The following OFD1 variants were observed in gnomAD, a reference collection of about 807,000 sequenced individuals.
The protein encoded by OFD1 is OFD1 centriole and centriolar satellite protein.
OFD1 carries 12 observed loss-of-function variants against 81.4 expected under a neutral mutation model. That is an observed-to-expected ratio of 0.15 (90% CI 0.09 to 0.24). The LOEUF (loss-of-function observed/expected upper bound fraction) is 0.24. OFD1 is among the 10% of genes least tolerant of loss of function. OFD1 has a pLI of 1.00. For missense variants in OFD1, 685 were observed against 733.9 expected (o/e 0.93, Z 0.77); for synonymous variants, 256 against 263.7 (o/e 0.97, Z 0.28).
the OFD1 span, chrX:13,722,090 G>A: frequency 9.2e-6 from 1 of 108,471 alleles, no homozygotes; most frequent in Non-Finnish European, 1.9e-5. Flanking sequence ...GAAGGACAGG[G>A]AGTTGAAATT....
intron 3 of OFD1, among the ~76,000 whole-genome samples, chrX:13,738,119 G>A (rs2046944457): frequency 8.9e-6 from 1 of 112,242 alleles, no homozygotes; most frequent in African/African-American, 3.2e-5. Context: ...AAAGAGCTGG[G>A]ATAACAAGCA....
chrX:13,761,281 T>C, intron 17 of OFD1, 70 bp downstream of exon 17: 1 of 1,073,457 alleles, frequency 9.3e-7, no homozygotes, highest in Non-Finnish European at 1.2e-6. Context: ...CTTCACTTGT[T>C]TTACTGGGAT....
rs375698090 is a variant in OFD1 at position 13,760,652 on chromosome X, C to T, written c.2192C>T (p.Ser731Phe). 2.0e-5 allele frequency: 24 copies of T among 1,209,577 alleles called. No individual in the cohort carries two copies. In the African/African-American group the frequency reaches 2.8e-4, roughly 14 times the overall value. ...TCGAGGCTCCGCGGGGGCACTTCCT[C>T]CAGACGCCTCTCTTCCACACCCCTT... is the stretch of plus-strand genomic sequence containing the variant. ...AASRLRGGTS[S>F]RRLSSTPLPK... is the part of the protein sequence containing the mutation. The change falls in exon 16 of 23, where the codon TCC (serine) becomes TTC (phenylalanine). Residue 731 changes from serine to phenylalanine, a missense_variant. This residue lies in a region of OFD1 where 259 missense variants were observed against 254.4 expected (regional missense o/e 1.02). Coordinates refer to ENST00000340096, the MANE Select transcript of OFD1 (RefSeq NM_003611.3).
intron 18 of OFD1, among the ~76,000 whole-genome samples, chrX:13,763,061 C>T (rs1207957912): frequency 1.8e-5 from 2 of 112,717 alleles, no homozygotes; most frequent in African/African-American, 3.2e-5. Context: ...TGAGCCACTG[C>T]GCCCGGCCTA....
At chrX:13,716,323 C>A in the OFD1 span, 1 of 565,030 alleles carries the variant, frequency 1.8e-6, no homozygotes, top group Non-Finnish European at 2.8e-6. Context: ...CAGATAAACT[C>A]TTTTTGTGTA....
At chrX:13,771,132 A>T (rs1395533257), downstream of OFD1, 7 of 112,592 alleles carry the variant, frequency 6.2e-5, no homozygotes, top group Non-Finnish European at 1.3e-4. Flanking sequence ...ACAAAAATTT[A>T]TACATAGCAA....
chrX:13,764,471 C>G (rs2048051273), intron 19 of OFD1, among the ~76,000 whole-genome samples: 1 of 111,510 alleles, frequency 9.0e-6, no homozygotes, highest in Non-Finnish European at 1.9e-5. Context: ...CCAGATTACC[C>G]ACTTCCCTCC....
rs2146904488 is a variant in OFD1, at chrX:13,735,285, A to G, written c.50A>G (p.Asp17Gly). The G allele has an allele frequency of 8.3e-7, 1 of 1,211,784 alleles. No homozygotes were observed. The highest frequency in any genetic ancestry group is 2.2e-5 in the Admixed American group (1 of 46,074). The change falls in exon 2 of 23, where the codon GAT becomes GGT. Residue 17 changes from aspartate (D) to glycine (G), a missense_variant. By Grantham distance (94) the Asp-to-Gly change is moderately conservative (BLOSUM62 -1). Coordinates refer to ENST00000340096, the MANE Select transcript of OFD1 (RefSeq NM_003611.3). ...MFTVADVLSQ[D>G]ELRKKLYQTF... ...ACCGTGGCTGATGTGTTGAGTCAAG[A>G]TGAACTGCGCAAAAAGCTATACCAG...
chrX:13,751,404 TA>T, intron 10 of OFD1, 36 bp downstream of exon 10: 1 of 1,102,934 alleles, frequency 9.1e-7, no homozygotes, highest in Non-Finnish European at 1.2e-6. Context: ...CTAATATGTT[TA>T]AATTAAATTG....
At chrX:13,752,869 G>A (rs2047556328) in intron 10 of OFD1, 1 of 954,619 alleles carries the variant, frequency 1.0e-6, no homozygotes, top group African/African-American at 2.0e-5. Flanking sequence ...GTGAAAATGT[G>A]CCTTTTGGTA....
intron 15 of OFD1, among the ~76,000 whole-genome samples, chrX:13,759,644 G>A (rs1366626537): frequency 8.9e-6 from 1 of 112,180 alleles, no homozygotes; most frequent in African/African-American, 3.2e-5. Context: ...CGGGCCATAT[G>A]CTGTGGATTT....
In OFD1 at chrX:13,735,032, C is replaced by T. The variant is rs2146901723; in HGVS notation, c.-40C>T. ...GCTGGGCACTAAACTCGGGCCGCGG[C>T]GGGGCGAGCGAGGCGGGCTCCGGAG... On this transcript the variant is annotated 5_prime_UTR_variant, in exon 1 of 23. Coordinates refer to ENST00000340096, the MANE Select transcript of OFD1 (RefSeq NM_003611.3). 4 of 1,182,102 alleles carry T rather than the reference C, an allele frequency of 3.4e-6. No individual in the cohort carries two copies. Among genetic ancestry groups the T allele is most frequent in the Non-Finnish European group, 4.5e-6 (4 of 883,776 alleles).
At position 13,761,729 on chromosome X, in the gene OFD1, G is replaced by A. The variant is rs2047937463; in HGVS notation, c.2387+518G>A. Among the ~76,000 whole-genome samples, 3 of 111,213 alleles carry A rather than the reference G, an allele frequency of 2.7e-5. No homozygotes were observed. In the South Asian group the frequency reaches 1.1e-3, roughly 42 times the overall value. On this transcript the variant is annotated intron_variant, in intron 17 of 22. Transcript: ENST00000340096. ...ATTGTTGAAACAGGAAGGAGTGGATGTTTTTAGAAACTAGTCCACTGGGTC... is the reference window on the plus strand; with the variant it reads ...ATTGTTGAAACAGGAAGGAGTGGATATTTTTAGAAACTAGTCCACTGGGTC...
In OFD1 at chrX:13,734,829, C is replaced by G; in HGVS notation, c.-243C>G. 1 of 1,080,313 alleles carries G rather than the reference C, an allele frequency of 9.3e-7. No individual in the cohort carries two copies. Among genetic ancestry groups the G allele is most frequent in the Non-Finnish European group, 1.2e-6 (1 of 838,144 alleles). The allele number at this position is 1,080,313 out of a possible 1,213,427, so 89.0% of individuals were successfully genotyped here. On this transcript the variant is annotated 5_prime_UTR_variant, in exon 1 of 23. Coordinates refer to ENST00000340096, the MANE Select transcript of OFD1 (RefSeq NM_003611.3). ...GCCCTCCAGCCGCCTTTGAGTCGTG[C>G]CTGGGTCCTCGCCCTTGCCTCAGAA...
chrX:13,734,340 C>G (rs1237023671), upstream of OFD1, among the ~76,000 whole-genome samples: 2 of 111,903 alleles, frequency 1.8e-5, no homozygotes, highest in African/African-American at 3.3e-5. Context: ...CCACAGCCCC[C>G]GAGAGGGCGG....
chrX:13,735,336 A>C lies in OFD1; in HGVS notation c.101A>C (p.Asp34Ala). Residue 34 changes from aspartate (D) to alanine (A), a missense_variant, in exon 2 of 23, where the codon GAT (aspartate) becomes GCT (alanine). Transcript: ENST00000340096. ...YQTFKDRGIL[D>A]TLKTQLRNQL... ...ACGTTTAAGGATCGGGGTATACTGG[A>C]TACACTCAAGGTATCGGATTTAGGC... The C allele has an allele frequency of 8.3e-7, 1 of 1,203,232 alleles. No homozygotes were observed. Among genetic ancestry groups the C allele is most frequent in the Non-Finnish European group, 1.1e-6 (1 of 887,325 alleles).
rs1555901135 is a variant in OFD1 at position 13,738,871 on chromosome X, A to G, written c.338A>G (p.Gln113Arg). The G allele has an allele frequency of 8.5e-7, 1 of 1,183,099 alleles. No individual in the cohort carries two copies. Among genetic ancestry groups the G allele is most frequent in the Non-Finnish European group, 1.1e-6 (1 of 870,628 alleles). ...GTATTTACTATGCAGGATCTATTAC[A>G]ACTCATTAAAATCAACCCTACTTCC... ...EKVFTMQDLL[Q>R]LIKINPTSSL... The change falls in exon 4 of 23, where the codon CAA (glutamine) becomes CGA (arginine). Residue 113 changes from glutamine (Q) to arginine (R), a missense_variant. Around this residue, in one of 3 missense-constraint regions of OFD1, gnomAD observed 414 missense variants for 447.2 expected, o/e 0.93. Coordinates refer to ENST00000340096, the MANE Select transcript of OFD1 (RefSeq NM_003611.3).
At chrX:13,773,123 G>C, downstream of OFD1, 2 of 772,410 alleles carry the variant, frequency 2.6e-6, no homozygotes, top group Non-Finnish European at 3.8e-6. Flanking sequence ...CTTTAAAGGG[G>C]CGAAGGTTAA....
chrX:13,761,209 G>C lies in OFD1; in HGVS notation c.2385G>C (p.Val795=). Reference sequence around the variant, plus strand: ...TCTCCAGCCCTCCGGAGCAGAAAGTGGGGTAAGTATAACGTTCTGATTGAT... The same window carrying C: ...TCTCCAGCCCTCCGGAGCAGAAAGTCGGGTAAGTATAACGTTCTGATTGAT... The part of the protein sequence containing the change: ...PPVSSPPEQK[V]GLYRRQTELQ... The change falls in exon 17 of 23, where the codon GTG becomes GTC. Residue 795 remains valine (V), a splice_region_variant and synonymous_variant. Transcript: ENST00000340096. 5 of 1,210,699 alleles carry C rather than the reference G, an allele frequency of 4.1e-6. No homozygotes were observed. Among genetic ancestry groups the C allele is most frequent in the Non-Finnish European group, 5.6e-6 (5 of 894,855 alleles).
Sources: allele counts gnomAD v4.1 joint callset (sites outside exome capture counted in the v4.1 genomes callset), GRCh38; gene constraint gnomAD v4.1.1; regional missense constraint gnomAD v4.1.1; transcripts MANE v1.5; gene names NCBI Gene and HGNC (gene_info 2026-07-23, HGNC 2026-07-21).